SRL: variants seen among roughly 807,000 people sequenced by gnomAD.
SRL encodes sarcalumenin.
SRL carries 23 observed loss-of-function variants against 39.5 expected under a neutral mutation model. The observed-to-expected ratio is 0.58, with a 90% CI of 0.42 to 0.82. SRL has a LOEUF of 0.82. SRL is among the 40% of genes least tolerant of loss of function. The probability of loss-of-function intolerance (pLI) is 0.00; values close to 1 mark genes in which losing one functional copy is unlikely to be tolerated. For synonymous variants in SRL, 272 were observed against 237.4 expected (o/e 1.15, Z -1.34); for missense variants, 592 against 607.8 (o/e 0.97, Z 0.27).
In SRL at chr16:4,230,591, G is replaced by T. The variant is rs1245627997; in HGVS notation, c.61+11416C>A. 5.3e-5 allele frequency among the ~76,000 whole-genome samples: 8 copies of T among 151,070 alleles called. No homozygotes were observed. In the East Asian group the frequency reaches 1.6e-3, roughly 29 times the overall value. ...TTTAGTAGAGACGGGGTTTCACCATGTTGGCCAGGCTGGTCTTGAACTCCC... is the reference window on the plus strand; with the variant it reads ...TTTAGTAGAGACGGGGTTTCACCATTTTGGCCAGGCTGGTCTTGAACTCCC... On this transcript the variant is annotated intron_variant, in intron 1 of 5. Coordinates refer to ENST00000399609, the MANE Select transcript of SRL (RefSeq NM_001098814.2).
At chr16:4,203,067 G>T in intron 3 of SRL, 99 bp downstream of exon 3, 1 of 1,022,890 alleles carries the variant, frequency 9.8e-7, no homozygotes. Context: ...GAACCTGTGT[G>T]GGTACCGGGA....
chr16:4,206,538 C>T (rs2052320749), intron 1 of SRL, among the ~76,000 whole-genome samples: 1 of 151,950 alleles, frequency 6.6e-6, no homozygotes, highest in African/African-American at 2.4e-5. Context: ...TGACCCCTCT[C>T]ACTGGCCCCT....
intron 1 of SRL, among the ~76,000 whole-genome samples, chr16:4,228,814 G>A (rs552415678): frequency 1.3e-5 from 2 of 152,212 alleles, no homozygotes; most frequent in African/African-American, 4.8e-5. Flanking sequence ...GTGGGGACCA[G>A]TCTCCTCACT....
At chr16:4,241,207 G>A (rs1281869207) in intron 1 of SRL, among the ~76,000 whole-genome samples, 1 of 152,046 alleles carries the variant, frequency 6.6e-6, no homozygotes, top group African/African-American at 2.4e-5. Context: ...GCATTCCCTC[G>A]GGGAACCTGG....
At chr16:4,218,966 C>T (rs2052491575) in intron 1 of SRL, among the ~76,000 whole-genome samples, 1 of 152,270 alleles carries the variant, frequency 6.6e-6, no homozygotes, top group Non-Finnish European at 1.5e-5. Context: ...CCTTCTTTCC[C>T]AGAGGGTGTC....
intron 3 of SRL, among the ~76,000 whole-genome samples, chr16:4,201,334 TG>T (rs1233447675): frequency 6.6e-6 from 1 of 152,082 alleles, no homozygotes; most frequent in African/African-American, 2.4e-5. Context: ...TGGAGTGCAG[TG>T]GCACAATCTC....
rs950852511 is a variant in SRL at position 4,228,051 on chromosome 16, G to A, written c.61+13956C>T. Among the ~76,000 whole-genome samples, 8 of 152,308 alleles carry A rather than the reference G, an allele frequency of 5.3e-5. No individual in the cohort carries two copies. The South Asian group carries it at 6.2e-4, about 12-fold the overall frequency. On this transcript the variant is annotated intron_variant, in intron 1 of 5. Coordinates refer to ENST00000399609, the MANE Select transcript of SRL (RefSeq NM_001098814.2). ...GACAGTGGCTGTGGTTAGGACAGTGGGACACAGCCAAAGGAGAGCCTGGGA... is the reference window on the plus strand; with the variant it reads ...GACAGTGGCTGTGGTTAGGACAGTGAGACACAGCCAAAGGAGAGCCTGGGA...
chr16:4,228,861 CA>C (rs1344540399), intron 1 of SRL, among the ~76,000 whole-genome samples: 2 of 152,198 alleles, frequency 1.3e-5, no homozygotes, highest in Non-Finnish European at 2.9e-5. Flanking sequence ...GCCACAGCCA[CA>C]AGCTTCAAGG....
At chr16:4,223,127 G>A (rs1217629157) in intron 1 of SRL, among the ~76,000 whole-genome samples, 1 of 151,598 alleles carries the variant, frequency 6.6e-6, no homozygotes, top group East Asian at 2.0e-4. Context: ...AGCTACTCGG[G>A]AGGCTGAGGC....
chr16:4,226,655 G>T (rs563402169), intron 1 of SRL, among the ~76,000 whole-genome samples: 1 of 151,382 alleles, frequency 6.6e-6, no homozygotes, highest in Non-Finnish European at 1.5e-5. Flanking sequence ...GGAAGGAAGG[G>T]TGAATGGAAG....
intron 1 of SRL, among the ~76,000 whole-genome samples, chr16:4,238,949 CATT>C (rs1241039717): frequency 1.3e-5 from 2 of 152,150 alleles, no homozygotes; most frequent in Admixed American, 6.6e-5. Context: ...GGGATGTGTT[CATT>C]AGCAAGACCC....
chr16:4,192,513 G>A lies in SRL; in HGVS notation c.1062C>T (p.Tyr354=), dbSNP rs1409407552. Residue 354 remains tyrosine (Y), a synonymous_variant, in exon 6 of 6, where the codon TAC becomes TAT. Transcript: ENST00000399609. This position sits in a 1 kb window ranked among gnomAD's most constrained non-coding sequence, Gnocchi z 4.0. ...CACTGAAGAAGGTCATTTTGTCCTT[G>A]TAAGTCTGCAGGTAGCGGTCAACCA... ...ALLVDRYLQT[Y]KDKMTFFSDG... 1 of 1,614,188 alleles carries A rather than the reference G, an allele frequency of 6.2e-7. No individual in the cohort carries two copies. Among genetic ancestry groups the A allele is most frequent in the Middle Eastern group, 1.6e-4 (1 of 6,062 alleles).
intron 1 of SRL, among the ~76,000 whole-genome samples, chr16:4,228,559 C>T (rs1207016900): frequency 6.6e-6 from 1 of 151,836 alleles, no homozygotes; most frequent in Non-Finnish European, 1.5e-5. Flanking sequence ...CACGGTGAAA[C>T]CCCGTCTCTA....
chr16:4,223,203 G>C (rs1476969664), intron 1 of SRL, among the ~76,000 whole-genome samples: 2 of 139,690 alleles, frequency 1.4e-5, no homozygotes, highest in Non-Finnish European at 3.0e-5. Flanking sequence ...CTGCACTCCA[G>C]CCTGGGCAAA....
chr16:4,235,420 G>C (rs1277197480), intron 1 of SRL, among the ~76,000 whole-genome samples: 1 of 152,242 alleles, frequency 6.6e-6, no homozygotes, highest in African/African-American at 2.4e-5. Context: ...AGTCAGCTGC[G>C]TGCAGTGGCT....
At chr16:4,220,523 C>G (rs1024773347) in intron 1 of SRL, among the ~76,000 whole-genome samples, 4 of 152,098 alleles carry the variant, frequency 2.6e-5, no homozygotes, top group Admixed American at 6.6e-5. Context: ...ATCCCCAGAC[C>G]CCTTAACCCC....
chr16:4,219,174 G>T (rs1269306904), intron 1 of SRL, among the ~76,000 whole-genome samples: 1 of 152,226 alleles, frequency 6.6e-6, no homozygotes, highest in Admixed American at 6.5e-5. Context: ...GAGGAAAAAG[G>T]AGCTTGCCAG....
At position 4,189,412 on chromosome 16, in the gene SRL, C is replaced by G. The variant is rs956893970; in HGVS notation, c.*2741G>C. On this transcript the variant is annotated 3_prime_UTR_variant, in exon 6 of 6. Coordinates refer to ENST00000399609, the MANE Select transcript of SRL (RefSeq NM_001098814.2). ...GGAACTTTATTGAGACTGATGAAAT[C>G]AGAACCAAAAGAACACTGGAAAGGT... is the stretch of plus-strand genomic sequence containing the variant. The G allele has an allele frequency of 1.3e-5, 2 of 152,164 alleles. No individual in the cohort carries two copies. The highest frequency in any genetic ancestry group is 4.8e-5 in the African/African-American group (2 of 41,408). 9.4% of individuals were successfully genotyped at this position (152,164 alleles called of 1,614,324 possible).
At chr16:4,203,564 C>G (rs779799186) in intron 2 of SRL, among the ~76,000 whole-genome samples, 6 of 152,154 alleles carry the variant, frequency 3.9e-5, no homozygotes, top group Non-Finnish European at 8.8e-5. Context: ...CTCTGTCACC[C>G]AGGCTGGAGT....
Sources: allele counts gnomAD v4.1 joint callset (sites outside exome capture counted in the v4.1 genomes callset), GRCh38; gene constraint gnomAD v4.1.1; non-coding constraint Gnocchi (gnomAD v3.1); transcripts MANE v1.5; gene names NCBI Gene and HGNC (gene_info 2026-07-23, HGNC 2026-07-21).